The following MINAR1 variants were observed in gnomAD, a reference collection of about 807,000 sequenced individuals.
MINAR1 encodes the protein major intrinsically disordered Notch2-binding receptor 1.
Under a neutral mutation model 65.1 loss-of-function variants are expected in MINAR1, and 40 were observed. The ratio of observed to expected loss-of-function variants is 0.61; its 90% CI spans 0.48 to 0.80. MINAR1 has a LOEUF of 0.80. Among genes scored for constraint, MINAR1 ranks in the 30% least tolerant of loss-of-function variants. MINAR1 has a pLI of 0.00. For missense variants in MINAR1, 1,128 were observed against 1,148.0 expected, an observed-to-expected ratio of 0.98 and a Z score of 0.25; for synonymous variants, 482 against 449.1, an observed-to-expected ratio of 1.07 and a Z score of -0.93.
rs1368239939 is a variant in MINAR1 at position 79,449,104 on chromosome 15, T to G, written c.-50-6994T>G. Among the ~76,000 whole-genome samples the G allele has an allele frequency of 2.6e-5, 4 of 152,310 alleles. No individual in the cohort carries two copies. The South Asian group carries it at 8.3e-4, about 32-fold the overall frequency. Reference sequence around the variant, plus strand: ...CTGGCCTTTCCCAAACTACAGACTATTACCTAGTGGAAATACCTATGGGTT... The same window carrying G: ...CTGGCCTTTCCCAAACTACAGACTAGTACCTAGTGGAAATACCTATGGGTT... On this transcript the variant is annotated intron_variant, in intron 1 of 3. Coordinates refer to ENST00000305428, the MANE Select transcript of MINAR1 (RefSeq NM_015206.3).
At chr15:79,453,065 C>A (rs1457616376) in intron 1 of MINAR1, among the ~76,000 whole-genome samples, 1 of 150,732 alleles carries the variant, frequency 6.6e-6, no homozygotes, top group African/African-American at 2.4e-5. Flanking sequence ...TTGCTCTGAC[C>A]AGATCCGGCT....
At position 79,457,816 on chromosome 15, in the gene MINAR1, G is replaced by A. The variant is rs144353351; in HGVS notation, c.1669G>A (p.Asp557Asn). 36 of 1,614,010 alleles carry A rather than the reference G, an allele frequency of 2.2e-5. No homozygotes were observed. The South Asian group carries it at 2.7e-4, about 12-fold the overall frequency. Residue 557 changes from aspartate (D) to asparagine (N), a missense_variant, in exon 2 of 4, where the codon GAC (aspartate) becomes AAC (asparagine). Transcript: ENST00000305428. Reference sequence around the variant, plus strand: ...GTCTCAGCTCCATAAGTCAGACTGCGACAGTTCCCCTGAGCACAACTTAAC... The same window carrying A: ...GTCTCAGCTCCATAAGTCAGACTGCAACAGTTCCCCTGAGCACAACTTAAC... The part of the protein sequence containing the change: ...SLSQLHKSDC[D>N]SSPEHNLTKI...
chr15:79,437,835 GAGTGTGTGGGGTGTGGGTGGGT>G (rs1567049177), intron 1 of MINAR1, among the ~76,000 whole-genome samples: 3 of 28,000 alleles, frequency 1.1e-4, no homozygotes, highest in African/African-American at 2.8e-4. Flanking sequence ...TGTGTGTAGG[GAGTGTGTGGGGTGTGGGTGGGT>G]AGTGTGTGGG....
chr15:79,411,487 C>T, the MINAR1 span: 767 of 702,416 alleles, frequency 1.1e-3, 3 homozygotes, highest in Non-Finnish European at 1.5e-3. Flanking sequence ...GGGACTGGGA[C>T]GACTGGCACC....
At position 79,456,315 on chromosome 15, in the gene MINAR1, C is replaced by T. The variant is rs774885068; in HGVS notation, c.168C>T (p.Leu56=). The T allele has an allele frequency of 1.9e-5, 31 of 1,614,066 alleles. No individual in the cohort carries two copies. The highest frequency in any genetic ancestry group is 6.7e-5 in the African/African-American group (5 of 74,914). Residue 56 remains leucine (L), a synonymous_variant, in exon 2 of 4, where the codon CTC becomes CTT. Coordinates refer to ENST00000305428, the MANE Select transcript of MINAR1 (RefSeq NM_015206.3). The stretch of plus-strand genomic sequence containing the variant: ...GTGTGCTCTTCTACACAGCTTGTCT[C>T]GATCCCAATTTTCCAGCCACGCTAT... ...LRSVLFYTAC[L]DPNFPATLFK...
At chr15:79,444,622 T>C (rs1022267835) in intron 1 of MINAR1, among the ~76,000 whole-genome samples, 1 of 152,108 alleles carries the variant, frequency 6.6e-6, no homozygotes, top group Admixed American at 6.5e-5. Context: ...TGATATGTAG[T>C]ATTTTCATTA....
At chr15:79,449,219 G>A (rs918390654) in intron 1 of MINAR1, among the ~76,000 whole-genome samples, 2 of 152,172 alleles carry the variant, frequency 1.3e-5, no homozygotes, top group Non-Finnish European at 2.9e-5. Flanking sequence ...CCCCATCAGC[G>A]TATCCTGTAG....
intron 1 of MINAR1, among the ~76,000 whole-genome samples, chr15:79,435,463 A>G (rs1894572194): frequency 6.6e-6 from 1 of 152,086 alleles, no homozygotes; most frequent in African/African-American, 2.4e-5. Context: ...TTTCCAATGA[A>G]ATGTTGTGGT....
Position 79,457,309 on chromosome 15 carries a change from C to T in MINAR1, c.1162C>T (p.Pro388Ser), listed in dbSNP as rs371598881. The T allele has an allele frequency of 2.5e-6, 4 of 1,614,186 alleles. No homozygotes were observed. In the South Asian group the frequency reaches 3.3e-5, roughly 13 times the overall value. ...DFERSFFNRNPSEEKLHYPNA... is the reference protein window; with the variant it reads ...DFERSFFNRNSSEEKLHYPNA... Reference sequence around the variant, plus strand: ...TGAACGGTCCTTTTTCAATAGAAATCCCTCCGAGGAGAAGCTACACTATCC... The same window carrying T: ...TGAACGGTCCTTTTTCAATAGAAATTCCTCCGAGGAGAAGCTACACTATCC... The change falls in exon 2 of 4, where the codon CCC (proline) becomes TCC (serine). Residue 388 changes from proline to serine, a missense_variant. Physicochemically the swap from Pro to Ser is moderately conservative, Grantham distance 74 (BLOSUM62 -1). Coordinates refer to ENST00000305428, the MANE Select transcript of MINAR1 (RefSeq NM_015206.3).
At chr15:79,461,884 C>CA (rs1895656290) in intron 2 of MINAR1, among the ~76,000 whole-genome samples, 1 of 152,014 alleles carries the variant, frequency 6.6e-6, no homozygotes, top group South Asian at 2.1e-4. Flanking sequence ...CTCACACACA[C>CA]TCCAGGTGTG....
At chr15:79,445,144 A>G (rs1894978557) in intron 1 of MINAR1, among the ~76,000 whole-genome samples, 1 of 152,034 alleles carries the variant, frequency 6.6e-6, no homozygotes, top group Non-Finnish European at 1.5e-5. Flanking sequence ...TTGTATCCCT[A>G]ATGATTTTTA....
chr15:79,452,655 T>A (rs1895260350), intron 1 of MINAR1, among the ~76,000 whole-genome samples: 1 of 145,796 alleles, frequency 6.9e-6, no homozygotes, highest in African/African-American at 2.6e-5. Context: ...TGTGTCTGGG[T>A]GAGTGTGGGT....
At chr15:79,413,212 C>G in the MINAR1 span, 1 of 152,204 alleles carries the variant, frequency 6.6e-6, no homozygotes, top group African/African-American at 2.4e-5. Flanking sequence ...GGGTTCTGAA[C>G]CCGCACATGT....
At chr15:79,433,324 A>C (rs1051892143) in intron 1 of MINAR1, among the ~76,000 whole-genome samples, 3 of 152,200 alleles carry the variant, frequency 2.0e-5, no homozygotes, top group Non-Finnish European at 4.4e-5. Flanking sequence ...GTTTTGCTGG[A>C]AGATTGTTAC....
intron 1 of MINAR1, among the ~76,000 whole-genome samples, chr15:79,439,882 T>C (rs942958880): frequency 6.6e-5 from 10 of 151,996 alleles, no homozygotes; most frequent in Non-Finnish European, 7.4e-5. Context: ...ATTTGGTTAT[T>C]TAGTTTTCCA....
chr15:79,459,936 G>A (rs1440289618), intron 2 of MINAR1, among the ~76,000 whole-genome samples: 1 of 152,136 alleles, frequency 6.6e-6, no homozygotes, highest in Non-Finnish European at 1.5e-5. Context: ...CCAGGTTTCT[G>A]GTGCTTTGGG....
intron 2 of MINAR1, among the ~76,000 whole-genome samples, chr15:79,459,613 G>A (rs1471606582): frequency 1.3e-5 from 2 of 152,130 alleles, no homozygotes; most frequent in African/African-American, 4.8e-5. Context: ...ACAGTGGTGT[G>A]GGCTACAGAC....
chr15:79,451,170 T>C (rs1895184215), intron 1 of MINAR1, among the ~76,000 whole-genome samples: 4 of 152,186 alleles, frequency 2.6e-5, no homozygotes, highest in Admixed American at 2.6e-4. Flanking sequence ...TGGAGGCCCA[T>C]GGTTCAGAAA....
intron 3 of MINAR1, 105 bp from the exon 4 acceptor site, chr15:79,468,082 C>A: frequency 3.5e-6 from 3 of 866,108 alleles, no homozygotes; most frequent in Non-Finnish European, 3.6e-6. Flanking sequence ...TCTCTAACTC[C>A]CAGCTGCAGA....
Sources: gnomAD v4.1 joint callset for allele counts (sites outside exome capture counted in the v4.1 genomes callset) on GRCh38, gnomAD v4.1.1 for gene constraint, MANE v1.5 for transcripts, NCBI Gene and HGNC (gene_info 2026-07-23, HGNC 2026-07-21) for gene names.